TADA2B: variants seen among roughly 807,000 people sequenced by gnomAD.
TADA2B encodes the protein transcriptional adaptor 2B.
In TADA2B, 13 loss-of-function variants were observed where a neutral mutation model predicts 34.5. The observed-to-expected ratio is 0.38, with a 90% CI of 0.25 to 0.60. The LOEUF is 0.60. Ranked by LOEUF, TADA2B falls within the 20% of genes least tolerant of loss-of-function variation. The pLI, the probability that TADA2B is intolerant of heterozygous loss-of-function variation, is 0.65. For synonymous variants in TADA2B, 240 were observed against 243.4 expected (o/e 0.99, Z 0.13); for missense variants, 442 against 575.0 (o/e 0.77, Z 2.37).
chr4:7,054,607 T>A lies in TADA2B; in HGVS notation c.816T>A (p.Asp272Glu), dbSNP rs764462211. 1 of 1,613,882 alleles carries A rather than the reference T, an allele frequency of 6.2e-7. No individual in the cohort carries two copies. The highest frequency in any genetic ancestry group is 2.2e-5 in the East Asian group (1 of 44,880). The change falls in exon 2 of 2, where the codon GAT becomes GAA. Residue 272 changes from aspartate to glutamate, a missense_variant. By Grantham distance (45) the Asp-to-Glu change is conservative. Coordinates refer to ENST00000310074, the MANE Select transcript of TADA2B (RefSeq NM_152293.3). ...AGTTCATGTCATGCAAGGAGTTTGATGACCTTTTTGAAAACATGCACAAAG... is the reference window on the plus strand; with the variant it reads ...AGTTCATGTCATGCAAGGAGTTTGAAGACCTTTTTGAAAACATGCACAAAG... ...LYQFMSCKEF[D>E]DLFENMHKEK...
chr4:7,050,796 C>T (rs576395489), intron 1 of TADA2B, among the ~76,000 whole-genome samples: 23 of 152,372 alleles, frequency 1.5e-4, no homozygotes, highest in Non-Finnish European at 2.2e-4. Context: ...CGTCCGGCTT[C>T]GCTCTGCCTC....
At chr4:7,044,570 TTC>T (rs1380485241) in intron 1 of TADA2B, among the ~76,000 whole-genome samples, 1 of 152,098 alleles carries the variant, frequency 6.6e-6, no homozygotes, top group Admixed American at 6.5e-5. Context: ...GTGTGCTAGG[TTC>T]TGTCCTTGAG....
At chr4:7,044,607 G>A (rs1463662162) in intron 1 of TADA2B, among the ~76,000 whole-genome samples, 3 of 152,096 alleles carry the variant, frequency 2.0e-5, no homozygotes, top group African/African-American at 7.2e-5. Flanking sequence ...CTCTCTGGGC[G>A]GTCTCTCAGC....
At chr4:7,052,154 C>G (rs1362306233) in intron 1 of TADA2B, among the ~76,000 whole-genome samples, 1 of 152,232 alleles carries the variant, frequency 6.6e-6, no homozygotes, top group Non-Finnish European at 1.5e-5. Context: ...ATGCAGCAGC[C>G]CCTCCGCAGC....
At position 7,054,337 on chromosome 4, in the gene TADA2B, G is replaced by A; in HGVS notation, c.546G>A (p.Glu182=). Residue 182 remains glutamate, a synonymous_variant, in exon 2 of 2, where the codon GAG becomes GAA. Transcript: ENST00000310074. ...DYEIEYDQDA[E]TLISGLSVNY... ...AGATCGAGTATGACCAGGATGCCGA[G>A]ACGCTCATCAGCGGGCTCTCTGTCA... is the stretch of plus-strand genomic sequence containing the variant. 1.9e-6 allele frequency: 3 copies of A among 1,613,490 alleles called. No individual in the cohort carries two copies. The highest frequency in any genetic ancestry group is 1.7e-6 in the Non-Finnish European group (2 of 1,179,904).
chr4:7,047,143 G>T (rs1490013121), intron 1 of TADA2B, among the ~76,000 whole-genome samples: 1 of 152,198 alleles, frequency 6.6e-6, no homozygotes, highest in Non-Finnish European at 1.5e-5. Context: ...GAGGATGCAG[G>T]CCCTGCTGGA....
Position 7,054,610 on chromosome 4 carries a change from C to T in TADA2B, c.819C>T (p.Asp273=). 1 of 1,613,880 alleles carries T rather than the reference C, an allele frequency of 6.2e-7. No homozygotes were observed. Reference sequence around the variant, plus strand: ...TCATGTCATGCAAGGAGTTTGATGACCTTTTTGAAAACATGCACAAAGAAA... The same window carrying T: ...TCATGTCATGCAAGGAGTTTGATGATCTTTTTGAAAACATGCACAAAGAAA... ...YQFMSCKEFD[D]LFENMHKEKM... is the part of the protein sequence containing the mutation. Residue 273 remains aspartate, a synonymous_variant, in exon 2 of 2, where the codon GAC becomes GAT. Coordinates refer to ENST00000310074, the MANE Select transcript of TADA2B (RefSeq NM_152293.3).
chr4:7,044,120 C>T (rs1194465729), intron 1 of TADA2B, among the ~76,000 whole-genome samples: 1 of 152,272 alleles, frequency 6.6e-6, no homozygotes, highest in Non-Finnish European at 1.5e-5. Context: ...CCATTTCCCT[C>T]ACCTTCAGGG....
At chr4:7,053,859 T>G in intron 1 of TADA2B, 1 of 580,642 alleles carries the variant, frequency 1.7e-6, no homozygotes, top group East Asian at 2.9e-5. Flanking sequence ...AGAATCAGCA[T>G]GTGTTGTTGC....
intron 1 of TADA2B, among the ~76,000 whole-genome samples, chr4:7,050,871 G>C (rs943349029): frequency 6.6e-6 from 1 of 152,346 alleles, no homozygotes; most frequent in South Asian, 2.1e-4. Context: ...GGGATGGTGG[G>C]GGGCGCGTGG....
chr4:7,044,766 A>C (rs1723582047), intron 1 of TADA2B, among the ~76,000 whole-genome samples: 1 of 152,116 alleles, frequency 6.6e-6, no homozygotes, highest in Admixed American at 6.5e-5. Flanking sequence ...TTAGCTTTCC[A>C]GAGTCTTCCC....
chr4:7,052,292 G>A (rs1723790388), intron 1 of TADA2B, among the ~76,000 whole-genome samples: 1 of 152,260 alleles, frequency 6.6e-6, no homozygotes, highest in South Asian at 2.1e-4. Context: ...CATCTTCCAG[G>A]CACCCCAGGA....
chr4:7,054,577 G>A lies in TADA2B; in HGVS notation c.786G>A (p.Leu262=). Residue 262 remains leucine, a synonymous_variant, in exon 2 of 2, where the codon CTG becomes CTA. Coordinates refer to ENST00000310074, the MANE Select transcript of TADA2B (RefSeq NM_152293.3). ...EKELRLKLRP[L]YQFMSCKEFD... ...AGCTGCGCCTGAAGCTGAGGCCGCTGTACCAGTTCATGTCATGCAAGGAGT... is the reference window on the plus strand; with the variant it reads ...AGCTGCGCCTGAAGCTGAGGCCGCTATACCAGTTCATGTCATGCAAGGAGT... 1 of 1,613,914 alleles carries A rather than the reference G, an allele frequency of 6.2e-7. No homozygotes were observed. The highest frequency in any genetic ancestry group is 8.5e-7 in the Non-Finnish European group (1 of 1,179,898).
At chr4:7,045,658 C>A (rs1373289336) in intron 1 of TADA2B, 1 of 152,294 alleles carries the variant, frequency 6.6e-6, no homozygotes, top group African/African-American at 2.4e-5. Flanking sequence ...CCAGCACTTA[C>A]CTCTACGTTA....
chr4:7,054,171 C>A lies in TADA2B; in HGVS notation c.380C>A (p.Thr127Asn). The change falls in exon 2 of 2, where the codon ACC becomes AAC. Residue 127 changes from threonine (T) to asparagine (N), a missense_variant. Coordinates refer to ENST00000310074, the MANE Select transcript of TADA2B (RefSeq NM_152293.3). ...GNLGKACIPD[T>N]IPNRVTDHTC... ...CTGGGGAAGGCCTGCATCCCCGACA[C>A]CATCCCCAACCGCGTGACAGACCAC... 1 of 1,605,616 alleles carries A rather than the reference C, an allele frequency of 6.2e-7. No individual in the cohort carries two copies. Among genetic ancestry groups the A allele is most frequent in the South Asian group, 1.1e-5 (1 of 89,638 alleles).
chr4:7,056,793 GAA>G lies in TADA2B; in HGVS notation c.*1741_*1742del, dbSNP rs2108788057. 6.6e-6 allele frequency: 1 copy of G among 152,336 alleles called. No homozygotes were observed. The highest frequency in any genetic ancestry group is 1.5e-5 in the Non-Finnish European group (1 of 68,042). 9.4% of individuals were successfully genotyped at this position (152,336 alleles called of 1,614,324 possible). Reference sequence around the variant, plus strand: ...CCCTGCAGAATAAATGCGGATGACAGAAAGCTTATGCTGTCTACCACTGAACA... The same window carrying G: ...CCCTGCAGAATAAATGCGGATGACAGAGCTTATGCTGTCTACCACTGAACA... On this transcript the variant is annotated 3_prime_UTR_variant, in exon 2 of 2. Coordinates refer to ENST00000310074, the MANE Select transcript of TADA2B (RefSeq NM_152293.3).
chr4:7,056,669 C>T lies in TADA2B; in HGVS notation c.*1615C>T, dbSNP rs1312961896. The T allele has an allele frequency of 6.6e-6, 1 of 152,208 alleles. No individual in the cohort carries two copies. The highest frequency in any genetic ancestry group is 1.5e-5 in the Non-Finnish European group (1 of 68,042). The allele number at this position is 152,208 out of a possible 1,614,324, so 9.4% of individuals were successfully genotyped here. ...ATGGCTTTAGTTGTAAACTATACTG[C>T]ATGCTGACAGAGAAGCGCTCTTTTA... On this transcript the variant is annotated 3_prime_UTR_variant, in exon 2 of 2. Transcript: ENST00000310074.
intron 1 of TADA2B, among the ~76,000 whole-genome samples, chr4:7,050,610 A>ACCC (rs1723742129): frequency 1.3e-5 from 2 of 152,176 alleles, no homozygotes; most frequent in Non-Finnish European, 2.9e-5. Context: ...GCAGAGCCGC[A>ACCC]GGGCTTTGCG....
chr4:7,052,228 G>A (rs1028630617), intron 1 of TADA2B, among the ~76,000 whole-genome samples: 1 of 152,274 alleles, frequency 6.6e-6, no homozygotes, highest in South Asian at 2.1e-4. Flanking sequence ...CTCTGCCCCT[G>A]CCGCCCGCCT....
Sources: gnomAD v4.1 joint callset for allele counts (sites outside exome capture counted in the v4.1 genomes callset) on GRCh38, gnomAD v4.1.1 for gene constraint, MANE v1.5 for transcripts, NCBI Gene and HGNC (gene_info 2026-07-23, HGNC 2026-07-21) for gene names.